The following OSBPL3 variants were observed in gnomAD, a reference collection of about 807,000 sequenced individuals.
The protein encoded by OSBPL3 is oxysterol-binding protein-related protein 3.
OSBPL3 carries 65 observed loss-of-function variants against 120.1 expected under a neutral mutation model. The observed-to-expected ratio is 0.54, with a 90% CI of 0.44 to 0.67. OSBPL3 has a LOEUF of 0.67. OSBPL3 is among the 30% of genes least tolerant of loss of function. The pLI, the probability that OSBPL3 is intolerant of heterozygous loss-of-function variation, is 0.00. For missense variants in OSBPL3, 1,004 were observed against 1,082.1 expected (o/e 0.93, Z 1.01); for synonymous variants, 416 against 402.6 (o/e 1.03, Z -0.40).
intron 1 of OSBPL3, among the ~76,000 whole-genome samples, chr7:24,973,327 A>T (rs1817233712): frequency 1.3e-5 from 2 of 152,230 alleles, no homozygotes; most frequent in South Asian, 4.1e-4. Flanking sequence ...TTATGAAAGA[A>T]ATTTGCTTCT....
chr7:24,814,712 C>A (rs958381138), intron 19 of OSBPL3, among the ~76,000 whole-genome samples: 1 of 152,288 alleles, frequency 6.6e-6, no homozygotes, highest in South Asian at 2.1e-4. Context: ...ATTCCTCTGG[C>A]GATCTCGCAG....
At chr7:24,828,425 T>C (rs1173194863) in intron 16 of OSBPL3, among the ~76,000 whole-genome samples, 3 of 151,964 alleles carry the variant, frequency 2.0e-5, no homozygotes, top group Non-Finnish European at 4.4e-5. Flanking sequence ...CCGGCCAATA[T>C]GGTGAAATGC....
At chr7:24,840,836 A>C (rs754695101) in intron 13 of OSBPL3, 53 bp from the exon 14 acceptor site, 1 of 800,418 alleles carries the variant, frequency 1.2e-6, no homozygotes, top group Non-Finnish European at 2.0e-6. Context: ...CAAGAGCCAG[A>C]TTTTCATAAA....
chr7:24,901,209 C>T (rs1806964949), intron 1 of OSBPL3, among the ~76,000 whole-genome samples: 2 of 151,448 alleles, frequency 1.3e-5, no homozygotes, highest in South Asian at 4.2e-4. Context: ...CGCCTGTAAT[C>T]CCAGCTACTC....
intron 1 of OSBPL3, among the ~76,000 whole-genome samples, chr7:24,926,840 C>T (rs974877119): frequency 3.9e-5 from 6 of 152,186 alleles, no homozygotes; most frequent in African/African-American, 1.4e-4. Context: ...TATCCTGCTG[C>T]CTAGCAAAAC....
intron 6 of OSBPL3, 111 bp from the exon 7 acceptor site, chr7:24,865,576 A>T: frequency 9.5e-7 from 1 of 1,047,354 alleles, no homozygotes; most frequent in Non-Finnish European, 1.4e-6. Flanking sequence ...CCATCTGCCT[A>T]TAATGAGGAA....
chr7:24,935,338 T>C (rs1270684044), intron 1 of OSBPL3, among the ~76,000 whole-genome samples: 2 of 152,212 alleles, frequency 1.3e-5, no homozygotes, highest in African/African-American at 2.4e-5. Context: ...ACTCAGATTA[T>C]GGTAAGCTAC....
In OSBPL3 at chr7:24,881,278, T is replaced by C. The variant is rs1236470925; in HGVS notation, c.97-9209A>G. ...GAATTATTTTCACAGTGCTACACAATAACTGGTTCTCATAATGAGAACCTA... is the reference window on the plus strand; with the variant it reads ...GAATTATTTTCACAGTGCTACACAACAACTGGTTCTCATAATGAGAACCTA... On this transcript the variant is annotated intron_variant, in intron 2 of 22. Transcript: ENST00000313367. The surrounding 1 kb of genome is among the most constrained non-coding windows in gnomAD (Gnocchi z 4.3). Among the ~76,000 whole-genome samples, 1 of 152,226 alleles carries C rather than the reference T, an allele frequency of 6.6e-6. No individual in the cohort carries two copies. Among genetic ancestry groups the C allele is most frequent in the African/African-American group, 2.4e-5 (1 of 41,458 alleles).
chr7:24,890,856 G>C (rs1805240051), intron 2 of OSBPL3, among the ~76,000 whole-genome samples: 1 of 152,158 alleles, frequency 6.6e-6, no homozygotes, highest in Admixed American at 6.5e-5. Flanking sequence ...TTCCAAAAAA[G>C]CTTTGTGAAA....
intron 2 of OSBPL3, among the ~76,000 whole-genome samples, chr7:24,885,747 T>G (rs1241588448): frequency 6.6e-6 from 1 of 152,246 alleles, no homozygotes; most frequent in African/African-American, 2.4e-5. Context: ...ACTGTTCAGC[T>G]GTCCTGTCCT....
At chr7:24,812,304 C>CAAAA (rs57963279) in intron 19 of OSBPL3, among the ~76,000 whole-genome samples, 11 of 97,018 alleles carry the variant, frequency 1.1e-4, no homozygotes, top group African/African-American at 4.1e-4. Context: ...GACTCCATCT[C>CAAAA]AAAAAAAAAA....
Position 24,912,602 on chromosome 7 carries a change from C to T in OSBPL3, c.-149-19981G>A, listed in dbSNP as rs1318295482. Among the ~76,000 whole-genome samples, 1 of 152,176 alleles carries T rather than the reference C, an allele frequency of 6.6e-6. No homozygotes were observed. The highest frequency in any genetic ancestry group is 1.5e-5 in the Non-Finnish European group (1 of 68,030). ...GCACAGAACAATGACAATCATAGCT[C>T]CTGAAAATGAGAAGCACCCAGTCTC... is the stretch of plus-strand genomic sequence containing the variant. On this transcript the variant is annotated intron_variant, in intron 1 of 22. Coordinates refer to ENST00000313367, the MANE Select transcript of OSBPL3 (RefSeq NM_015550.4). This position sits in a 1 kb window ranked among gnomAD's most constrained non-coding sequence, Gnocchi z 4.5.
rs879806170 is a variant in OSBPL3, at chr7:24,898,128, A to C, written c.-149-5507T>G. Among the ~76,000 whole-genome samples the C allele has an allele frequency of 1.3e-5, 2 of 152,190 alleles. No individual in the cohort carries two copies. The highest frequency in any genetic ancestry group is 2.9e-5 in the Non-Finnish European group (2 of 68,040). On this transcript the variant is annotated intron_variant, in intron 1 of 22. Transcript: ENST00000313367. The surrounding 1 kb of genome is among the most constrained non-coding windows in gnomAD (Gnocchi z 4.3). ...TTTTACAAATGGTACCCTCTGAAAC[A>C]CCCTGATTTCAAAAATGTTACATGG...
At chr7:24,858,776 G>T (rs1356618802) in intron 10 of OSBPL3, among the ~76,000 whole-genome samples, 1 of 152,218 alleles carries the variant, frequency 6.6e-6, no homozygotes. Flanking sequence ...GACCTCTGCA[G>T]GAGGACTGGA....
intron 17 of OSBPL3, 27 bp from the exon 18 acceptor site, chr7:24,816,715 T>A: frequency 6.9e-7 from 1 of 1,449,230 alleles, no homozygotes; most frequent in South Asian, 1.1e-5. Flanking sequence ...AATATTACAT[T>A]TTTAGCAGGA....
chr7:24,950,496 G>A (rs1327976367), intron 1 of OSBPL3, among the ~76,000 whole-genome samples: 1 of 152,230 alleles, frequency 6.6e-6, no homozygotes, highest in Non-Finnish European at 1.5e-5. Flanking sequence ...GCCGAGGCGG[G>A]CGGATCACGA....
intron 12 of OSBPL3, 129 bp downstream of exon 12, chr7:24,848,940 C>A (rs1324908561): frequency 9.2e-6 from 6 of 651,500 alleles, no homozygotes; most frequent in African/African-American, 9.0e-5. Context: ...TGGCCAGCAC[C>A]CAGAGGAGGA....
At chr7:24,920,337 C>T (rs1290152101) in intron 1 of OSBPL3, among the ~76,000 whole-genome samples, 2 of 152,084 alleles carry the variant, frequency 1.3e-5, no homozygotes, top group African/African-American at 4.8e-5. Context: ...CATGCTACAA[C>T]ATGTATGAAC....
chr7:24,834,716 G>A lies in OSBPL3; in HGVS notation c.1516C>T (p.Arg506Trp). The change falls in exon 15 of 23, where the codon CGG becomes TGG. Residue 506 changes from arginine to tryptophan, a missense_variant. Transcript: ENST00000313367. The surrounding 1 kb of genome is among the most constrained non-coding windows in gnomAD (Gnocchi z 5.2). ...QTLGPVLDSG[R>W]EAKSRRRTCL... is the part of the protein sequence containing the mutation. Reference sequence around the variant, plus strand: ...GTTCTTCTCCGGGACTTCGCTTCCCGACCACTATCAAGGACAGGCCCTGAA... The same window carrying A: ...GTTCTTCTCCGGGACTTCGCTTCCCAACCACTATCAAGGACAGGCCCTGAA... 2.5e-6 allele frequency: 4 copies of A among 1,611,436 alleles called. No individual in the cohort carries two copies. The highest frequency in any genetic ancestry group is 2.2e-5 in the East Asian group (1 of 44,882).
Sources: gnomAD v4.1 joint callset for allele counts (sites outside exome capture counted in the v4.1 genomes callset) on GRCh38, gnomAD v4.1.1 for gene constraint, Gnocchi (gnomAD v3.1) non-coding constraint, MANE v1.5 for transcripts, NCBI Gene and HGNC (gene_info 2026-07-23, HGNC 2026-07-21) for gene names.